The following NCAM1 variants were observed in gnomAD, a reference collection of about 807,000 sequenced individuals.
The protein encoded by NCAM1 is antigen recognized by monoclonal antibody 5.1H11.
In NCAM1, 14 loss-of-function variants were observed where a neutral mutation model predicts 109.8. The ratio of observed to expected loss-of-function variants is 0.13; its 90% CI spans 0.08 to 0.20. NCAM1 has a LOEUF of 0.20. Ranked by LOEUF, NCAM1 falls within the 10% of genes least tolerant of loss-of-function variation. NCAM1 has a pLI of 1.00. For synonymous variants in NCAM1, 418 were observed against 442.9 expected, an observed-to-expected ratio of 0.94 and a Z score of 0.70; for missense variants, 774 against 1,109.9, an observed-to-expected ratio of 0.70 and a Z score of 4.30.
intron 1 of NCAM1, among the ~76,000 whole-genome samples, chr11:113,013,099 G>A (rs1342639433): frequency 6.6e-6 from 1 of 151,946 alleles, no homozygotes. Flanking sequence ...TTATCTAGAG[G>A]TTTGAAATTT....
rs1183099578 is a variant in NCAM1, at chr11:113,235,470, T to A, written c.1825+306T>A. On this transcript the variant is annotated intron_variant, in intron 14 of 19. Coordinates refer to ENST00000316851, the MANE Select transcript of NCAM1 (RefSeq NM_181351.5). Reference sequence around the variant, plus strand: ...AAGGAAGTGGGGAGAAAACCAGGAGTGAGTTGTCAAAGGATCTGGGAAAGT... The same window carrying A: ...AAGGAAGTGGGGAGAAAACCAGGAGAGAGTTGTCAAAGGATCTGGGAAAGT... Among the ~76,000 whole-genome samples the A allele has an allele frequency of 5.3e-5, 8 of 151,804 alleles. No individual in the cohort carries two copies. In the East Asian group the frequency reaches 1.6e-3, roughly 29 times the overall value.
intron 1 of NCAM1, among the ~76,000 whole-genome samples, chr11:113,146,748 G>A (rs10891515): frequency 0.12 from 18,641 of 152,174 alleles, 1,262 homozygotes; most frequent in East Asian, 0.26. Context: ...AAGGCCTAGC[G>A]AAGGCTTTGT....
intron 1 of NCAM1, among the ~76,000 whole-genome samples, chr11:113,158,439 T>C (rs1056567622): frequency 2.0e-4 from 30 of 152,228 alleles, no homozygotes; most frequent in Admixed American, 1.7e-3. Context: ...CTGGAGACTA[T>C]TGTACTTCAG....
intron 1 of NCAM1, among the ~76,000 whole-genome samples, chr11:113,132,308 A>G (rs1941420401): frequency 6.6e-6 from 1 of 152,202 alleles, no homozygotes; most frequent in Non-Finnish European, 1.5e-5. Flanking sequence ...TTCTCCCAGG[A>G]GACTCTGACC....
intron 1 of NCAM1, among the ~76,000 whole-genome samples, chr11:113,028,121 G>A (rs1381536973): frequency 6.6e-6 from 1 of 152,182 alleles, no homozygotes; most frequent in Non-Finnish European, 1.5e-5. Context: ...CTATTTCATA[G>A]TAGGGTGACT....
chr11:113,197,941 G>T (rs1409262203), intron 1 of NCAM1, among the ~76,000 whole-genome samples: 1 of 152,108 alleles, frequency 6.6e-6, no homozygotes, highest in Non-Finnish European at 1.5e-5. Context: ...GCCTACTTCT[G>T]CTAGGGAGTT....
intron 14 of NCAM1, among the ~76,000 whole-genome samples, chr11:113,241,212 T>C: frequency 6.6e-6 from 1 of 152,188 alleles, no homozygotes; most frequent in East Asian, 1.9e-4. Context: ...ATAGAAAATG[T>C]GTTGGAGTGT....
At chr11:113,180,719 G>A (rs1943304344) in intron 1 of NCAM1, among the ~76,000 whole-genome samples, 1 of 152,234 alleles carries the variant, frequency 6.6e-6, no homozygotes, top group Non-Finnish European at 1.5e-5. Flanking sequence ...CGTTATTGGG[G>A]ATGGCATAGT....
intron 1 of NCAM1, among the ~76,000 whole-genome samples, chr11:113,049,338 A>C (rs1319592359): frequency 3.3e-5 from 5 of 152,168 alleles, no homozygotes; most frequent in Non-Finnish European, 7.3e-5. Context: ...TCCTGATCTT[A>C]GGTAATTTCT....
chr11:112,995,055 A>G (rs1385346584), intron 1 of NCAM1, among the ~76,000 whole-genome samples: 7 of 152,072 alleles, frequency 4.6e-5, no homozygotes, highest in Non-Finnish European at 1.0e-4. Flanking sequence ...ACCTTGTCTT[A>G]CTTATCTTTT....
At position 113,239,933 on chromosome 11, in the gene NCAM1, C is replaced by G. The variant is rs150655433; in HGVS notation, c.1825+4769C>G. Among the ~76,000 whole-genome samples, 15 of 152,286 alleles carry G rather than the reference C, an allele frequency of 9.8e-5. No homozygotes were observed. The East Asian group carries it at 2.9e-3, about 29-fold the overall frequency. The stretch of plus-strand genomic sequence containing the variant: ...TTTTTCCAAATTTTCATCTAGCTCT[C>G]GAAGGAGACTTTGTTTTGTGACTGC... On this transcript the variant is annotated intron_variant, in intron 14 of 19. Coordinates refer to ENST00000316851, the MANE Select transcript of NCAM1 (RefSeq NM_181351.5).
chr11:113,002,993 G>A (rs1951796763), intron 1 of NCAM1, among the ~76,000 whole-genome samples: 1 of 152,226 alleles, frequency 6.6e-6, no homozygotes, highest in Non-Finnish European at 1.5e-5. Context: ...AGAAAATTGG[G>A]TTGAATTGAG....
At chr11:113,133,474 A>T (rs1334249171) in intron 1 of NCAM1, 1 of 152,238 alleles carries the variant, frequency 6.6e-6, no homozygotes, top group Non-Finnish European at 1.5e-5. Context: ...CCGTATTAAC[A>T]TGCTGAAACA....
At chr11:112,968,436 G>C (rs1424032935) in intron 1 of NCAM1, among the ~76,000 whole-genome samples, 1 of 152,194 alleles carries the variant, frequency 6.6e-6, no homozygotes. Flanking sequence ...CTATCTAAAA[G>C]GAGATAAACT....
chr11:113,145,116 G>A (rs1565461948), intron 1 of NCAM1, among the ~76,000 whole-genome samples: 1 of 152,154 alleles, frequency 6.6e-6, no homozygotes, highest in Non-Finnish European at 1.5e-5. Flanking sequence ...TGAACATTTT[G>A]TCTTAGAAAA....
intron 17 of NCAM1, chr11:113,263,819 C>G: frequency 3.0e-6 from 3 of 985,540 alleles, no homozygotes; most frequent in Non-Finnish European, 3.6e-6. Flanking sequence ...TAGTCCCCTA[C>G]CTGGCCTGTG....
At chr11:113,076,484 C>T (rs12222753) in intron 1 of NCAM1, among the ~76,000 whole-genome samples, 33,545 of 152,048 alleles carry the variant, frequency 0.22, 3,979 homozygotes, top group East Asian at 0.48. Flanking sequence ...AAATGATATC[C>T]TCATTTCTGC....
chr11:113,231,153 T>C, intron 9 of NCAM1: 1 of 1,505,332 alleles, frequency 6.6e-7, no homozygotes, highest in South Asian at 1.2e-5. Flanking sequence ...AAGGATTTCT[T>C]TAATAATTTC....
At chr11:113,007,733 G>C (rs531797148) in intron 1 of NCAM1, among the ~76,000 whole-genome samples, 2 of 152,298 alleles carry the variant, frequency 1.3e-5, no homozygotes, top group East Asian at 1.9e-4. Context: ...AGAAATCTCA[G>C]AGACAACAGT....
Sources: allele counts gnomAD v4.1 joint callset (sites outside exome capture counted in the v4.1 genomes callset), GRCh38; gene constraint gnomAD v4.1.1; transcripts MANE v1.5; gene names NCBI Gene and HGNC (gene_info 2026-07-23, HGNC 2026-07-21).